The following NDC80 variants were observed in gnomAD, a reference collection of about 807,000 sequenced individuals.
The protein encoded by NDC80 is NDC80 kinetochore complex component, also known as kinetochore protein NDC80 homolog.
NDC80 carries 69 observed loss-of-function variants against 89.3 expected under a neutral mutation model. The ratio of observed to expected loss-of-function variants is 0.77; its 90% confidence interval spans 0.64 to 0.94. NDC80 has a LOEUF of 0.94. Among genes scored for constraint, NDC80 ranks in the 40% least tolerant of loss-of-function variants. The pLI is 0.00. For synonymous variants in NDC80, 243 were observed against 255.6 expected (o/e 0.95, Z 0.47); for missense variants, 593 against 739.6 (o/e 0.80, Z 2.30).
At chr18:2,601,975 A>C (rs1191046811) in intron 13 of NDC80, among the ~76,000 whole-genome samples, 1 of 152,170 alleles carries the variant, frequency 6.6e-6, no homozygotes, top group African/African-American at 2.4e-5. Context: ...TGAGATCCTT[A>C]ATATCACCTA....
At chr18:2,579,170 G>T (rs1393728003) in intron 6 of NDC80, 141 bp downstream of exon 6, 1 of 443,492 alleles carries the variant, frequency 2.3e-6, no homozygotes. Flanking sequence ...TTGATTTTAA[G>T]TTTTTCAAAC....
At chr18:2,584,779 G>A (rs2072595913) in intron 6 of NDC80, among the ~76,000 whole-genome samples, 1 of 152,128 alleles carries the variant, frequency 6.6e-6, no homozygotes, top group African/African-American at 2.4e-5. Context: ...GCATTAAAAT[G>A]TGTATATTTG....
chr18:2,585,278 G>A, intron 7 of NDC80, 76 bp downstream of exon 7: 1 of 1,121,692 alleles, frequency 8.9e-7, no homozygotes, highest in Non-Finnish European at 1.3e-6. Flanking sequence ...TAATACAGAT[G>A]CCCCTCGACT....
chr18:2,586,321 G>C (rs17536053), intron 7 of NDC80, among the ~76,000 whole-genome samples: 25,624 of 152,114 alleles, frequency 0.17, 2,835 homozygotes, highest in Non-Finnish European at 0.25. Context: ...AAGGCTCCTA[G>C]AAAACCTTTG....
At chr18:2,598,886 C>T in intron 11 of NDC80, 133 bp from the exon 12 acceptor site, 1 of 844,990 alleles carries the variant, frequency 1.2e-6, no homozygotes, top group Non-Finnish European at 1.7e-6. Flanking sequence ...ACTCTTACTG[C>T]TAAAGATTAC....
chr18:2,614,185 T>G (rs933242070), intron 16 of NDC80, among the ~76,000 whole-genome samples: 2 of 152,174 alleles, frequency 1.3e-5, no homozygotes, highest in African/African-American at 4.8e-5. Flanking sequence ...ATGCCTGTAA[T>G]CCCAGCACTT....
Position 2,587,936 on chromosome 18 carries a change from G to A in NDC80, c.763+13G>A, listed in dbSNP as rs374528095. 68 of 1,607,430 alleles carry A rather than the reference G, an allele frequency of 4.2e-5. No homozygotes were observed. The African/African-American group carries it at 5.5e-4, about 13-fold the overall frequency. The stretch of plus-strand genomic sequence containing the variant: ...CAGTCAAAACTGAGTAAGTGTTCTC[G>A]TTCTTAGGGTGCTTGCTTTTGGTCA... On this transcript the variant is annotated intron_variant, in intron 8 of 16. Transcript: ENST00000261597.
At chr18:2,585,272 A>G (rs933112001) in intron 7 of NDC80, 70 bp downstream of exon 7, 38 of 1,187,802 alleles carry the variant, frequency 3.2e-5, no homozygotes, top group Non-Finnish European at 4.5e-5. Context: ...TGGATTTAAT[A>G]CAGATGCCCC....
rs2072555987 is a variant in NDC80, at chr18:2,577,961, T to G, written c.304-8T>G. On this transcript the variant is annotated splice_region_variant and splice_polypyrimidine_tract_variant and intron_variant, in intron 4 of 16. Coordinates refer to ENST00000261597, the MANE Select transcript of NDC80 (RefSeq NM_006101.3). The stretch of plus-strand genomic sequence containing the variant: ...AAAACGTTTGGTGGTTCATAAAAAT[T>G]ATTGTAGTTTCTTACAGAAAATGGT... 6.2e-7 allele frequency: 1 copy of G among 1,610,056 alleles called. No homozygotes were observed. The highest frequency in any genetic ancestry group is 1.7e-5 in the Admixed American group (1 of 59,342).
intron 16 of NDC80, among the ~76,000 whole-genome samples, chr18:2,613,380 A>C (rs2072755605): frequency 6.6e-6 from 1 of 152,226 alleles, no homozygotes; most frequent in Non-Finnish European, 1.5e-5. Flanking sequence ...CTGTTTAGGC[A>C]TACCAAGAAT....
intron 10 of NDC80, among the ~76,000 whole-genome samples, chr18:2,592,353 A>AT: frequency 6.9e-6 from 1 of 144,482 alleles, no homozygotes. Context: ...TTTTTGTTTT[A>AT]TTTTGTTTTT....
chr18:2,597,738 A>T (rs1020173775), intron 11 of NDC80, among the ~76,000 whole-genome samples: 1 of 152,114 alleles, frequency 6.6e-6, no homozygotes, highest in Non-Finnish European at 1.5e-5. Context: ...CTAAAAAAAA[A>T]AAAATAAAGT....
chr18:2,572,895 T>C (rs1012428954), intron 1 of NDC80, 82 bp from the exon 2 acceptor site: 11 of 978,426 alleles, frequency 1.1e-5, no homozygotes, highest in African/African-American at 9.8e-5. Context: ...CCTGACTGTC[T>C]TTCTGTTTAA....
At chr18:2,591,595 T>TTA (rs573931902) in intron 10 of NDC80, among the ~76,000 whole-genome samples, 22 of 151,616 alleles carry the variant, frequency 1.5e-4, no homozygotes, top group African/African-American at 4.4e-4. Context: ...TAACTCTGAT[T>TTA]TATATATATA....
intron 16 of NDC80, among the ~76,000 whole-genome samples, chr18:2,612,577 C>T (rs187986656): frequency 2.2e-4 from 33 of 152,204 alleles, no homozygotes; most frequent in African/African-American, 7.5e-4. Context: ...GCATGAGCCA[C>T]TCGCCTGGCA....
chr18:2,611,368 G>A (rs558992955), intron 16 of NDC80, among the ~76,000 whole-genome samples: 47 of 152,220 alleles, frequency 3.1e-4, no homozygotes, highest in African/African-American at 1.1e-3. Flanking sequence ...ATTTTATAAA[G>A]TAATCTATTG....
chr18:2,589,167 T>C (rs2072615246), intron 8 of NDC80, 37 bp from the exon 9 acceptor site: 2 of 1,331,400 alleles, frequency 1.5e-6, no homozygotes, highest in South Asian at 2.4e-5. Context: ...TCTAGGCGGA[T>C]TTGAGGTCTT....
intron 13 of NDC80, among the ~76,000 whole-genome samples, chr18:2,601,824 G>T (rs987117139): frequency 6.6e-6 from 1 of 152,020 alleles, no homozygotes; most frequent in Non-Finnish European, 1.5e-5. Context: ...TATAATTACG[G>T]CGTTAGAAGC....
At chr18:2,601,506 A>C (rs1298602424) in intron 13 of NDC80, 21 bp downstream of exon 13, 1 of 1,092,178 alleles carries the variant, frequency 9.2e-7, no homozygotes, top group Non-Finnish European at 1.3e-6. Flanking sequence ...AAACATAAAA[A>C]GTCATAAAAA....
Sources: gnomAD v4.1 joint callset for allele counts (sites outside exome capture counted in the v4.1 genomes callset) on GRCh38, gnomAD v4.1.1 for gene constraint, MANE v1.5 for transcripts, NCBI Gene and HGNC (gene_info 2026-07-23, HGNC 2026-07-21) for gene names.